The following POLB variants were observed in gnomAD, a reference collection of about 807,000 sequenced individuals.
POLB encodes DNA polymerase beta.
Under a neutral mutation model 52.7 loss-of-function variants are expected in POLB, and 37 were observed. The ratio of observed to expected loss-of-function variants is 0.70; its 90% CI spans 0.54 to 0.92. The LOEUF (loss-of-function observed/expected upper bound fraction) is 0.92, where lower values mean the gene tolerates loss of function less well. Ranked by LOEUF, POLB falls within the 40% of genes least tolerant of loss-of-function variation. The probability of loss-of-function intolerance (pLI) is 0.00; values close to 1 mark genes in which losing one functional copy is unlikely to be tolerated. For synonymous variants in POLB, 138 were observed against 131.3 expected, an observed-to-expected ratio of 1.05 and a Z score of -0.35; for missense variants, 313 against 400.8, an observed-to-expected ratio of 0.78 and a Z score of 1.87.
At chr8:42,342,820 T>C (rs2953993) in intron 2 of POLB, among the ~76,000 whole-genome samples, 115,891 of 151,844 alleles carry the variant, frequency 0.76, 48,260 homozygotes, top group Non-Finnish European at 0.93. Context: ...CATAGCAACA[T>C]CCCATCTGCA....
At chr8:42,363,304 G>A (rs531670363) in intron 11 of POLB, among the ~76,000 whole-genome samples, 5 of 151,742 alleles carry the variant, frequency 3.3e-5, no homozygotes, top group East Asian at 3.9e-4. Flanking sequence ...CGAGGTCAGC[G>A]GATTACAAGG....
chr8:42,368,961 TTC>T (rs1217671090), intron 11 of POLB: 2 of 205,302 alleles, frequency 9.7e-6, no homozygotes, highest in African/African-American at 4.6e-5. Flanking sequence ...CGTTGCTCTC[TTC>T]TGTTTATTTT....
chr8:42,350,847 A>C (rs1003280588), intron 5 of POLB, among the ~76,000 whole-genome samples: 4 of 145,836 alleles, frequency 2.7e-5, no homozygotes, highest in Admixed American at 1.5e-4. Context: ...GCCATTATAA[A>C]ATTTTCATTG....
At chr8:42,351,752 G>A (rs1363351160) in intron 5 of POLB, among the ~76,000 whole-genome samples, 2 of 152,170 alleles carry the variant, frequency 1.3e-5, no homozygotes, top group African/African-American at 4.8e-5. Context: ...TTTTATCATT[G>A]CTTTGTGCAG....
At chr8:42,346,499 C>T (rs1822624256) in intron 3 of POLB, among the ~76,000 whole-genome samples, 1 of 151,884 alleles carries the variant, frequency 6.6e-6, no homozygotes, top group Non-Finnish European at 1.5e-5. Context: ...ATCCTCCCAC[C>T]TCAGCCTCCT....
chr8:42,349,543 C>T (rs1038954305), intron 4 of POLB, among the ~76,000 whole-genome samples: 29 of 152,174 alleles, frequency 1.9e-4, no homozygotes, highest in Non-Finnish European at 4.1e-4. Context: ...CGCCCGCCAC[C>T]ACACCCAGCT....
intron 5 of POLB, among the ~76,000 whole-genome samples, chr8:42,351,584 C>G (rs1421198666): frequency 6.6e-6 from 1 of 152,226 alleles, no homozygotes; most frequent in Non-Finnish European, 1.5e-5. Context: ...ATCGCTTCAT[C>G]TTTCTAGGTT....
At chr8:42,364,748 C>T (rs547945698) in intron 11 of POLB, among the ~76,000 whole-genome samples, 1 of 152,116 alleles carries the variant, frequency 6.6e-6, no homozygotes, top group Admixed American at 6.5e-5. Flanking sequence ...ATTAAATTGT[C>T]ATGTCATTCA....
chr8:42,349,346 T>C, intron 4 of POLB: 1 of 296,756 alleles, frequency 3.4e-6, no homozygotes, highest in Non-Finnish European at 6.2e-6. Flanking sequence ...AAAGAGATTA[T>C]AAACTTTGAC....
chr8:42,349,460 C>G (rs3136743), intron 4 of POLB, among the ~76,000 whole-genome samples: 1,906 of 152,282 alleles, frequency 0.013, 41 homozygotes, highest in African/African-American at 0.044. Flanking sequence ...GCGATCTCGG[C>G]TCACTGCAAG....
At chr8:42,371,430 T>G in intron 13 of POLB, 133 bp from the exon 14 acceptor site, 1 of 442,396 alleles carries the variant, frequency 2.3e-6, no homozygotes, top group Non-Finnish European at 4.1e-6. Context: ...CCGGTCTTTT[T>G]TTTTTTAGTG....
In POLB at chr8:42,341,783, C is replaced by A; in HGVS notation, c.119+2714C>A. The stretch of plus-strand genomic sequence containing the variant: ...TTGTTTGGTTTAGCTCTCTGCAGCC[C>A]CCTCCTGAGCCGTGGGGAAGCTTGC... On this transcript the variant is annotated intron_variant, in intron 2 of 13. Transcript: ENST00000265421. 4.2e-6 allele frequency: 2 copies of A among 474,970 alleles called. 1 individual carries two copies. Among genetic ancestry groups the A allele is most frequent in the South Asian group, 3.9e-5 (2 of 50,660 alleles). The allele number at this position is 474,970 out of a possible 1,614,324, so 29.4% of individuals were successfully genotyped here.
intron 3 of POLB, among the ~76,000 whole-genome samples, chr8:42,345,380 T>C (rs1340044203): frequency 6.6e-6 from 1 of 152,184 alleles, no homozygotes; most frequent in African/African-American, 2.4e-5. Context: ...GATCCCCAGG[T>C]GTAGGAACCT....
At position 42,340,576 on chromosome 8, in the gene POLB, C is replaced by T. The variant is rs566177492; in HGVS notation, c.119+1507C>T. ...ATAAGGGATAGTTAACCTGTGGTTCCGGGGAGTCTGCCTGCCCTTAGCCCT... is the reference window on the plus strand; with the variant it reads ...ATAAGGGATAGTTAACCTGTGGTTCTGGGGAGTCTGCCTGCCCTTAGCCCT... On this transcript the variant is annotated intron_variant, in intron 2 of 13. Coordinates refer to ENST00000265421, the MANE Select transcript of POLB (RefSeq NM_002690.3). 1.4e-4 allele frequency among the ~76,000 whole-genome samples: 22 copies of T among 152,288 alleles called. No homozygotes were observed. In the South Asian group the frequency reaches 3.9e-3, roughly 27 times the overall value.
At chr8:42,346,377 C>T (rs1258151510) in intron 3 of POLB, among the ~76,000 whole-genome samples, 4 of 148,458 alleles carry the variant, frequency 2.7e-5, no homozygotes, top group African/African-American at 5.0e-5. Flanking sequence ...CCTTTTTTTT[C>T]TTTTTTCTTT....
chr8:42,356,872 A>G (rs1397765078), intron 7 of POLB, among the ~76,000 whole-genome samples: 1 of 152,176 alleles, frequency 6.6e-6, no homozygotes, highest in Non-Finnish European at 1.5e-5. Flanking sequence ...TAACTTAAAT[A>G]TATTTATTTA....
At chr8:42,355,427 G>A (rs1823247111) in intron 6 of POLB, 89 bp from the exon 7 acceptor site, 1 of 726,280 alleles carries the variant, frequency 1.4e-6, no homozygotes, top group Admixed American at 2.2e-5. Context: ...TCCCCAGGTG[G>A]TTCTTTATAA....
chr8:42,370,539 A>G (rs189377314), intron 13 of POLB, among the ~76,000 whole-genome samples: 7 of 152,320 alleles, frequency 4.6e-5, no homozygotes, highest in Non-Finnish European at 1.0e-4. Context: ...TCCTCAAAGT[A>G]TAAAATACCT....
intron 9 of POLB, among the ~76,000 whole-genome samples, chr8:42,359,598 A>G (rs1296300967): frequency 6.8e-6 from 1 of 147,082 alleles, no homozygotes; most frequent in African/African-American, 2.5e-5. Flanking sequence ...CTCTTGGCTC[A>G]AGTGATCCAC....
Sources: allele counts gnomAD v4.1 joint callset (sites outside exome capture counted in the v4.1 genomes callset), GRCh38; gene constraint gnomAD v4.1.1; transcripts MANE v1.5; gene names NCBI Gene and HGNC (gene_info 2026-07-23, HGNC 2026-07-21).